The following PAGE2B variants were observed in gnomAD, a reference collection of about 807,000 sequenced individuals.
PAGE2B encodes putative G antigen family E member 3.
In PAGE2B, 5 loss-of-function variants were observed where a neutral mutation model predicts 7.6. The ratio of observed to expected loss-of-function variants is 0.66; its 90% CI spans 0.34 to 1.38. The LOEUF (loss-of-function observed/expected upper bound fraction) is 1.38. Ranked by LOEUF, PAGE2B falls within the 40% of genes most tolerant of loss-of-function variation. The pLI, the probability that PAGE2B is intolerant of heterozygous loss-of-function variation, is 0.04. For missense variants in PAGE2B, 70 were observed against 78.4 expected, an observed-to-expected ratio of 0.89 and a Z score of 0.41; for synonymous variants, 29 against 26.7, an observed-to-expected ratio of 1.09 and a Z score of -0.27.
chrX:55,061,893 C>T, the PAGE2B span, among the ~76,000 whole-genome samples: 3 of 111,510 alleles, frequency 2.7e-5, no homozygotes, highest in Non-Finnish European at 5.7e-5. Flanking sequence ...ATAATGACCT[C>T]CAGTTCCATC....
rs766282431 is a variant in PAGE2B, at chrX:55,076,308, T to TTC, written c.84+201_84+202dup. 8.3e-3 allele frequency among the ~76,000 whole-genome samples: 889 copies of TTC among 106,866 alleles called. 4 individuals are homozygous for TTC. Among genetic ancestry groups the TTC allele is most frequent in the Non-Finnish European group, 0.014 (703 of 51,858 alleles). The allele number at this position is 106,866 out of a possible 115,157, so 92.8% of individuals were successfully genotyped here. A position where few individuals can be genotyped will look rare whatever the true frequency, so the allele number is the denominator to read the frequency against. ...GTGTTACCTGTATGGATATGGATAT[T>TTC]TCTCTCTCTCTCTCTCTCTATATAT... On this transcript the variant is annotated intron_variant, in intron 2 of 4. Transcript: ENST00000374971.
chrX:55,048,939 G>T, the PAGE2B span, among the ~76,000 whole-genome samples: 14 of 111,487 alleles, frequency 1.3e-4, no homozygotes, highest in Non-Finnish European at 2.4e-4. Context: ...ACTGGCTGTG[G>T]GTTTGTCATA....
the PAGE2B span, among the ~76,000 whole-genome samples, chrX:55,037,207 A>G: frequency 9.0e-6 from 1 of 111,624 alleles, no homozygotes; most frequent in Admixed American, 9.5e-5. Context: ...ATTGACAAGA[A>G]AAAAACAAAC....
the PAGE2B span, among the ~76,000 whole-genome samples, chrX:55,056,217 G>A: frequency 9.0e-6 from 1 of 111,429 alleles, no homozygotes; most frequent in African/African-American, 3.3e-5. Context: ...GAAGATAATA[G>A]TAGCAATATC....
chrX:55,077,350 C>A (rs1936533016), intron 3 of PAGE2B, 49 bp from the exon 4 acceptor site: 1 of 1,200,791 alleles, frequency 8.3e-7, no homozygotes, highest in South Asian at 1.8e-5. Context: ...TTTCCTTGTT[C>A]ATAGTTCATG....
the PAGE2B span, chrX:55,030,819 A>C: frequency 1.1e-5 from 2 of 183,127 alleles, no homozygotes; most frequent in South Asian, 8.9e-5. Context: ...AAAAAGAGAC[A>C]GATTCTAAGA....
upstream of PAGE2B, among the ~76,000 whole-genome samples, chrX:55,073,101 GC>G (rs1490110817): frequency 1.8e-5 from 2 of 111,239 alleles, no homozygotes; most frequent in Non-Finnish European, 3.8e-5. Flanking sequence ...GGTTCCAGGT[GC>G]TACTGGGGTA....
the PAGE2B span, among the ~76,000 whole-genome samples, chrX:55,044,285 T>C: frequency 3.6e-5 from 4 of 111,534 alleles, no homozygotes; most frequent in Non-Finnish European, 7.5e-5. Flanking sequence ...CATGGAATAC[T>C]ACTCAGCCAT....
At chrX:55,028,731 C>T in the PAGE2B span, among the ~76,000 whole-genome samples, 64 of 111,909 alleles carry the variant, frequency 5.7e-4, no homozygotes, top group African/African-American at 2.1e-3. Context: ...TCATTATACC[C>T]ATGACCTTGT....
chrX:55,050,670 C>T, the PAGE2B span, among the ~76,000 whole-genome samples: 1 of 111,211 alleles, frequency 9.0e-6, no homozygotes, highest in South Asian at 3.8e-4. Context: ...GGTAGATCTT[C>T]CTCCATCCCT....
At chrX:55,034,889 C>T in the PAGE2B span, among the ~76,000 whole-genome samples, 4 of 109,759 alleles carry the variant, frequency 3.6e-5, no homozygotes, top group Admixed American at 9.9e-5. Flanking sequence ...AGCTGCAAGC[C>T]GAGGAGCAAC....
the PAGE2B span, among the ~76,000 whole-genome samples, chrX:55,051,624 G>A: frequency 9.8e-5 from 11 of 111,955 alleles, no homozygotes; most frequent in Non-Finnish European, 1.3e-4. Flanking sequence ...TTGTGCATTC[G>A]TCACGTAGTT....
chrX:55,040,589 A>G, the PAGE2B span, among the ~76,000 whole-genome samples: 9 of 111,426 alleles, frequency 8.1e-5, no homozygotes, highest in East Asian at 2.5e-3. Flanking sequence ...CACTTACATA[A>G]GTTAGGTACT....
At chrX:55,066,186 A>G in the PAGE2B span, among the ~76,000 whole-genome samples, 6 of 111,391 alleles carry the variant, frequency 5.4e-5, no homozygotes, top group Non-Finnish European at 1.1e-4. Flanking sequence ...CACCTCCCAG[A>G]TTCAAGCAAT....
chrX:55,067,709 G>C, the PAGE2B span, among the ~76,000 whole-genome samples: 1 of 111,642 alleles, frequency 9.0e-6, no homozygotes, highest in Non-Finnish European at 1.9e-5. Flanking sequence ...ATCCTCTCCA[G>C]CATCTGTTGT....
At chrX:55,042,482 G>A in the PAGE2B span, among the ~76,000 whole-genome samples, 137 of 106,387 alleles carry the variant, frequency 1.3e-3, no homozygotes, top group African/African-American at 4.4e-3. Flanking sequence ...GTGAAACCCC[G>A]TCTCTACTAA....
the PAGE2B span, among the ~76,000 whole-genome samples, chrX:55,041,330 A>G: frequency 3.6e-5 from 4 of 109,957 alleles, no homozygotes; most frequent in Admixed American, 1.9e-4. Context: ...ATCCGCCCCC[A>G]TCAGCCTCCC....
chrX:55,062,870 G>C, the PAGE2B span, among the ~76,000 whole-genome samples: 1 of 111,653 alleles, frequency 9.0e-6, no homozygotes, highest in Non-Finnish European at 1.9e-5. Context: ...CCTTTCACTA[G>C]TGTATGTTCT....
upstream of PAGE2B, among the ~76,000 whole-genome samples, chrX:55,074,282 T>A (rs954389587): frequency 8.9e-6 from 1 of 111,974 alleles, no homozygotes; most frequent in African/African-American, 3.2e-5. Flanking sequence ...GATTCTGAAG[T>A]TCATCTGAAA....
Sources: gnomAD v4.1 joint callset for allele counts (sites outside exome capture counted in the v4.1 genomes callset) on GRCh38, gnomAD v4.1.1 for gene constraint, MANE v1.5 for transcripts, NCBI Gene and HGNC (gene_info 2026-07-23, HGNC 2026-07-21) for gene names.